SLIT2: variants seen among roughly 807,000 people sequenced by gnomAD.
SLIT2 encodes the protein slit guidance ligand 2.
A neutral mutation model predicts 185.7 loss-of-function variants in SLIT2; 41 were observed. The ratio of observed to expected loss-of-function variants is 0.22; its 90% confidence interval spans 0.17 to 0.29. The LOEUF is 0.29. Ranked by LOEUF, SLIT2 falls within the 10% of genes least tolerant of loss-of-function variation. SLIT2 has a pLI of 1.00. For synonymous variants in SLIT2, 693 were observed against 680.2 expected, an observed-to-expected ratio of 1.02 and a Z score of -0.29; for missense variants, 1,571 against 1,909.0, an observed-to-expected ratio of 0.82 and a Z score of 3.30.
chr4:20,277,039 G>T (rs989943217), intron 4 of SLIT2, among the ~76,000 whole-genome samples: 1 of 152,194 alleles, frequency 6.6e-6, no homozygotes, highest in Non-Finnish European at 1.5e-5. Flanking sequence ...GTGTCTAGAT[G>T]CTTAACCTTA....
Position 20,611,872 on chromosome 4 carries a change from C to T in SLIT2, c.3847+1705C>T, listed in dbSNP as rs549487801. ...ACACAAAGCTATTATGTAGTAGACA[C>T]CTCATTTAAGTCCAGATCTGGCTGA... On this transcript the variant is annotated intron_variant, in intron 34 of 36. Coordinates refer to ENST00000504154, the MANE Select transcript of SLIT2 (RefSeq NM_004787.4). Among the ~76,000 whole-genome samples the T allele has an allele frequency of 5.9e-5, 9 of 152,194 alleles. No individual in the cohort carries two copies. The South Asian group carries it at 1.5e-3, about 25-fold the overall frequency.
chr4:20,439,186 A>T (rs184001884), intron 4 of SLIT2, among the ~76,000 whole-genome samples: 10 of 152,362 alleles, frequency 6.6e-5, no homozygotes, highest in African/African-American at 2.2e-4. Context: ...GTTCCGAGGT[A>T]TTAATTATAT....
At chr4:20,542,793 T>G (rs7669094) in intron 21 of SLIT2, among the ~76,000 whole-genome samples, 167 bp downstream of exon 21, 33,447 of 149,548 alleles carry the variant, frequency 0.22, 3,931 homozygotes, top group East Asian at 0.32. Context: ...AAAGCTACTT[T>G]AGAGGCCCTT....
chr4:20,573,308 T>C, intron 29 of SLIT2: 2 of 702,912 alleles, frequency 2.8e-6, no homozygotes, highest in Non-Finnish European at 5.2e-6. Context: ...AGTCTCCCTC[T>C]TTCTTGTAAA....
chr4:20,531,473 C>T (rs1721805565), intron 16 of SLIT2, among the ~76,000 whole-genome samples: 2 of 152,108 alleles, frequency 1.3e-5, no homozygotes, highest in Admixed American at 1.3e-4. Context: ...GGGGAACAGC[C>T]ACCAGGAGTG....
Position 20,463,491 on chromosome 4 carries a change from A to ATGTG in SLIT2, c.396-4254_396-4251dup, listed in dbSNP as rs1337282350. 3.4e-3 allele frequency among the ~76,000 whole-genome samples: 327 copies of ATGTG among 96,120 alleles called. 4 individuals carry two copies. The highest frequency in any genetic ancestry group is 9.5e-3 in the East Asian group (37 of 3,882). 63.1% of individuals were successfully genotyped at this position (96,120 alleles called of 152,430 possible). A position where few individuals can be genotyped will look rare whatever the true frequency, so the allele number is the denominator to read the frequency against. Reference sequence around the variant, plus strand: ...TATATATATATATATATATATATATATGTGTGTGTGCGTATATCCATATAT... The same window carrying ATGTG: ...TATATATATATATATATATATATATATGTGTGTGTGTGTGCGTATATCCATATAT... On this transcript the variant is annotated intron_variant, in intron 4 of 36. Transcript: ENST00000504154.
rs996571917 is a variant in SLIT2 at position 20,290,065 on chromosome 4, C to T, written c.395+21184C>T. ...TGTGGAACTGCTTGCTCTACCTGCT[C>T]ATCTCCCAGTTGCCTCCCTACACCT... On this transcript the variant is annotated intron_variant, in intron 4 of 36. Coordinates refer to ENST00000504154, the MANE Select transcript of SLIT2 (RefSeq NM_004787.4). Among the ~76,000 whole-genome samples, 11 of 152,162 alleles carry T rather than the reference C, an allele frequency of 7.2e-5. No individual in the cohort carries two copies. In the East Asian group the frequency reaches 1.7e-3, roughly 24 times the overall value.
intron 4 of SLIT2, among the ~76,000 whole-genome samples, chr4:20,440,971 A>G (rs914413659): frequency 7.2e-5 from 11 of 152,256 alleles, no homozygotes; most frequent in African/African-American, 2.2e-4. Context: ...AATTAAAACT[A>G]TAACCCCAAC....
intron 22 of SLIT2, 65 bp downstream of exon 22, chr4:20,546,164 C>A: frequency 1.2e-6 from 1 of 860,958 alleles, no homozygotes; most frequent in Non-Finnish European, 1.9e-6. Context: ...TGGCAAGGGA[C>A]AGAAGATTTA....
At chr4:20,355,384 CAGAA>C (rs1240070856) in intron 4 of SLIT2, among the ~76,000 whole-genome samples, 3 of 152,062 alleles carry the variant, frequency 2.0e-5, no homozygotes, top group Non-Finnish European at 4.4e-5. Flanking sequence ...TAGAGCATGA[CAGAA>C]AGTCCAGTTT....
intron 33 of SLIT2, among the ~76,000 whole-genome samples, chr4:20,608,064 G>T (rs1393631526): frequency 2.0e-5 from 3 of 152,012 alleles, no homozygotes; most frequent in Non-Finnish European, 4.4e-5. Flanking sequence ...TTCAGAAATG[G>T]TATTGAATTA....
chr4:20,549,725 AG>A (rs1174963565), intron 24 of SLIT2, among the ~76,000 whole-genome samples: 1 of 151,628 alleles, frequency 6.6e-6, no homozygotes, highest in African/African-American at 2.4e-5. Context: ...GAATATTTCA[AG>A]TCTATCATAT....
intron 26 of SLIT2, among the ~76,000 whole-genome samples, chr4:20,560,887 A>G (rs1372731393): frequency 6.6e-6 from 1 of 151,930 alleles, no homozygotes; most frequent in Admixed American, 6.6e-5. Flanking sequence ...TAAGAATACA[A>G]CAATAAACAA....
intron 18 of SLIT2, among the ~76,000 whole-genome samples, chr4:20,538,958 G>A (rs1722560179): frequency 6.6e-6 from 1 of 152,020 alleles, no homozygotes; most frequent in South Asian, 2.1e-4. Flanking sequence ...GGCGCCCCTG[G>A]ACCATGTTTG....
intron 4 of SLIT2, among the ~76,000 whole-genome samples, chr4:20,305,119 C>T (rs1239966202): frequency 6.6e-6 from 1 of 152,138 alleles, no homozygotes; most frequent in African/African-American, 2.4e-5. Context: ...AAGCCATGCT[C>T]ATGATGCTAT....
In SLIT2 at chr4:20,457,914, GAC is replaced by G. The variant is rs987487186; in HGVS notation, c.396-9834_396-9833del. Among the ~76,000 whole-genome samples the G allele has an allele frequency of 5.9e-5, 9 of 152,218 alleles. 1 individual carries two copies. Among genetic ancestry groups the G allele is most frequent in the African/African-American group, 1.7e-4 (7 of 41,558 alleles). ...AGCATTTGATCTTCATGGGAACCAT[GAC>G]ACAACAGTGCTTGGTATTATTTTTT... On this transcript the variant is annotated intron_variant, in intron 4 of 36. Transcript: ENST00000504154.
chr4:20,267,041 C>T (rs894566454), intron 3 of SLIT2, among the ~76,000 whole-genome samples: 4 of 151,854 alleles, frequency 2.6e-5, no homozygotes, highest in Non-Finnish European at 5.9e-5. Context: ...TTGGAATTGG[C>T]TCTTTGGACA....
chr4:20,293,777 A>G (rs1325527501), intron 4 of SLIT2, among the ~76,000 whole-genome samples: 1 of 152,174 alleles, frequency 6.6e-6, no homozygotes, highest in Non-Finnish European at 1.5e-5. Context: ...GACAGGTGTC[A>G]GATATATTAT....
intron 4 of SLIT2, among the ~76,000 whole-genome samples, chr4:20,348,595 T>C (rs1721629264): frequency 1.3e-5 from 2 of 152,072 alleles, no homozygotes; most frequent in Admixed American, 6.6e-5. Flanking sequence ...ATGCCTCTAG[T>C]TGGGCAAGGC....
Sources: gnomAD v4.1 joint callset for allele counts (sites outside exome capture counted in the v4.1 genomes callset) on GRCh38, gnomAD v4.1.1 for gene constraint, MANE v1.5 for transcripts, NCBI Gene and HGNC (gene_info 2026-07-23, HGNC 2026-07-21) for gene names.